Variants in CATSPERE observed in about 807,000 individuals in gnomAD.
CATSPERE encodes cation channel sperm-associated auxiliary subunit epsilon.
A neutral mutation model predicts 114.1 loss-of-function variants in CATSPERE; 93 were observed. The observed-to-expected ratio is 0.81, with a 90% CI of 0.69 to 0.97. The LOEUF (loss-of-function observed/expected upper bound fraction) is 0.97. CATSPERE is among the 50% of genes least tolerant of loss of function. The pLI, the probability that CATSPERE is intolerant of heterozygous loss-of-function variation, is 0.00. For missense variants in CATSPERE, 1,058 were observed against 1,131.6 expected, an observed-to-expected ratio of 0.93 and a Z score of 0.93; for synonymous variants, 341 against 384.1, an observed-to-expected ratio of 0.89 and a Z score of 1.31.
chr1:244,502,404 A>G (rs931741965), intron 7 of CATSPERE, among the ~76,000 whole-genome samples: 5 of 151,974 alleles, frequency 3.3e-5, no homozygotes, highest in Admixed American at 6.6e-5. Flanking sequence ...TTTTATCTTG[A>G]CTGGCATTAT....
At position 244,461,406 on chromosome 1, in the gene CATSPERE, T is replaced by C. The variant is rs200357601; in HGVS notation, c.-24T>C. On this transcript the variant is annotated 5_prime_UTR_variant, in exon 1 of 22. Coordinates refer to ENST00000366534, the MANE Select transcript of CATSPERE (RefSeq NM_001130957.2). The stretch of plus-strand genomic sequence containing the variant: ...GCCTGGACGGGAGTGGCCGAGGCGG[T>C]TGGGCGGAGGCGGAGCAGGCGCCAT... 7 of 1,354,148 alleles carry C rather than the reference T, an allele frequency of 5.2e-6. No individual in the cohort carries two copies. In the East Asian group the frequency reaches 9.1e-5, roughly 18 times the overall value. The allele number at this position is 1,354,148 out of a possible 1,614,324, so 83.9% of individuals were successfully genotyped here.
chr1:244,611,040 G>A (rs375040460), intron 19 of CATSPERE, among the ~76,000 whole-genome samples: 16 of 152,216 alleles, frequency 1.1e-4, no homozygotes, highest in Admixed American at 3.3e-4. Flanking sequence ...GATTACAGGC[G>A]TGAGCCACCG....
chr1:244,502,610 A>G (rs1674232130), intron 7 of CATSPERE, among the ~76,000 whole-genome samples: 4 of 152,264 alleles, frequency 2.6e-5, no homozygotes, highest in South Asian at 2.1e-4. Context: ...TGTTGCTGTT[A>G]GGAAACCATC....
intron 8 of CATSPERE, among the ~76,000 whole-genome samples, chr1:244,550,926 A>G (rs1376951693): frequency 6.6e-6 from 1 of 152,216 alleles, no homozygotes; most frequent in Non-Finnish European, 1.5e-5. Context: ...GATATGTCAG[A>G]GTGTTTGCTT....
At chr1:244,555,456 C>A (rs1661444412) in intron 9 of CATSPERE, among the ~76,000 whole-genome samples, 1 of 150,784 alleles carries the variant, frequency 6.6e-6, no homozygotes, top group Non-Finnish European at 1.5e-5. Context: ...ATATAATAAA[C>A]CCACAGGTAA....
At chr1:244,470,596 C>G (rs191680757) in intron 2 of CATSPERE, among the ~76,000 whole-genome samples, 43 of 152,292 alleles carry the variant, frequency 2.8e-4, no homozygotes, top group Admixed American at 2.8e-3. Flanking sequence ...TAGAAGACAG[C>G]CTTGTAGCTC....
chr1:244,574,441 A>G (rs1664938605), intron 11 of CATSPERE, among the ~76,000 whole-genome samples: 1 of 152,214 alleles, frequency 6.6e-6, no homozygotes, highest in Non-Finnish European at 1.5e-5. Flanking sequence ...TATTTCTAAC[A>G]CTTATGATTT....
chr1:244,595,601 C>A (rs1016319574), intron 17 of CATSPERE, among the ~76,000 whole-genome samples: 1 of 152,156 alleles, frequency 6.6e-6, no homozygotes, highest in Non-Finnish European at 1.5e-5. Flanking sequence ...CCACGGAAGG[C>A]CTTCTATCAA....
At chr1:244,562,272 A>G (rs376668385) in intron 10 of CATSPERE, among the ~76,000 whole-genome samples, 9 of 152,198 alleles carry the variant, frequency 5.9e-5, no homozygotes, top group Admixed American at 1.3e-4. Flanking sequence ...AACGAATGCC[A>G]TTTTAACTGC....
chr1:244,487,392 G>GT (rs1374653562), intron 5 of CATSPERE, among the ~76,000 whole-genome samples: 33 of 152,114 alleles, frequency 2.2e-4, no homozygotes, highest in African/African-American at 7.5e-4. Flanking sequence ...GTCTGAGGTA[G>GT]TCAAGCCGTG....
intron 7 of CATSPERE, among the ~76,000 whole-genome samples, chr1:244,505,682 TAAC>T (rs1674707281): frequency 1.3e-5 from 2 of 152,128 alleles, no homozygotes; most frequent in Admixed American, 6.6e-5. Context: ...CAGGTGATCC[TAAC>T]AACATACCAT....
At position 244,479,762 on chromosome 1, in the gene CATSPERE, T is replaced by C; in HGVS notation, c.304T>C (p.Phe102Leu). 1 of 1,598,058 alleles carries C rather than the reference T, an allele frequency of 6.3e-7. No homozygotes were observed. The highest frequency in any genetic ancestry group is 8.6e-7 in the Non-Finnish European group (1 of 1,169,458). ...YLFVESSHTCFLWYYRVRHFF... is the reference protein window; with the variant it reads ...YLFVESSHTCLLWYYRVRHFF... ...ATTTGTGGAAAGTTCTCATACTTGCTTTCTGTGGTACTATAGAGTTAGGTA... is the reference window on the plus strand; with the variant it reads ...ATTTGTGGAAAGTTCTCATACTTGCCTTCTGTGGTACTATAGAGTTAGGTA... Residue 102 changes from phenylalanine to leucine, a missense_variant, in exon 5 of 22, where the codon TTT (phenylalanine) becomes CTT (leucine). Physicochemically the swap from Phe to Leu is conservative, Grantham distance 22 (BLOSUM62 0). This residue lies in a region of CATSPERE where 271 missense variants were observed against 225.9 expected (regional missense o/e 1.20). Coordinates refer to ENST00000366534, the MANE Select transcript of CATSPERE (RefSeq NM_001130957.2).
intron 8 of CATSPERE, among the ~76,000 whole-genome samples, chr1:244,549,055 G>A (rs1660195714): frequency 6.6e-6 from 1 of 152,224 alleles, no homozygotes; most frequent in East Asian, 1.9e-4. Context: ...CTACCGAGGG[G>A]AAGCTGGACT....
intron 8 of CATSPERE, among the ~76,000 whole-genome samples, chr1:244,536,064 AG>A (rs1235689959): frequency 1.3e-5 from 2 of 151,890 alleles, no homozygotes; most frequent in Non-Finnish European, 2.9e-5. Context: ...TCTAGGAACT[AG>A]GGCCTGGCAT....
intron 5 of CATSPERE, among the ~76,000 whole-genome samples, chr1:244,489,017 G>A (rs1040956058): frequency 2.0e-5 from 3 of 152,136 alleles, no homozygotes; most frequent in African/African-American, 4.8e-5. Flanking sequence ...ATAGTCATGA[G>A]GCACTGACTT....
rs142007953 is a variant in CATSPERE at position 244,549,902 on chromosome 1, G to T, written c.537-2420G>T. Among the ~76,000 whole-genome samples the T allele has an allele frequency of 2.6e-5, 4 of 152,180 alleles. No homozygotes were observed. The East Asian group carries it at 7.7e-4, about 29-fold the overall frequency. ...TGAGTAAAGAAGATAACCCTCCCCAGTGTGGTTGGGCATCACGCAGTCCAC... is the reference window on the plus strand; with the variant it reads ...TGAGTAAAGAAGATAACCCTCCCCATTGTGGTTGGGCATCACGCAGTCCAC... On this transcript the variant is annotated intron_variant, in intron 8 of 21. Transcript: ENST00000366534.
Position 244,580,211 on chromosome 1 carries a change from A to ATTT in CATSPERE, c.1951-1566_1951-1564dup, listed in dbSNP as rs747379847. On this transcript the variant is annotated intron_variant, in intron 11 of 21. Transcript: ENST00000366534. ...GCCACCATGCCTGGCTAATTTTTGT[A>ATTT]TTTTTTTTTTTTTTTTTTTTTAGTA... is the stretch of plus-strand genomic sequence containing the variant. 6.9e-3 allele frequency among the ~76,000 whole-genome samples: 762 copies of ATTT among 110,830 alleles called. 9 individuals are homozygous for ATTT. The highest frequency in any genetic ancestry group is 0.022 in the African/African-American group (679 of 31,128). 72.7% of individuals were successfully genotyped at this position (110,830 alleles called of 152,430 possible). A position where few individuals can be genotyped will look rare whatever the true frequency, so the allele number is the denominator to read the frequency against.
intron 7 of CATSPERE, among the ~76,000 whole-genome samples, chr1:244,512,307 C>T (rs181623957): frequency 1.1e-4 from 16 of 152,220 alleles, no homozygotes; most frequent in African/African-American, 2.4e-4. Context: ...TTCTTCTGCT[C>T]GATCAAGTCC....
chr1:244,611,331 T>G (rs1008127981), intron 19 of CATSPERE, among the ~76,000 whole-genome samples: 4 of 152,114 alleles, frequency 2.6e-5, no homozygotes, highest in African/African-American at 9.7e-5. Flanking sequence ...GGCTCACACC[T>G]GTAATCCTAA....
Sources: gnomAD v4.1 joint callset for allele counts (sites outside exome capture counted in the v4.1 genomes callset) on GRCh38, gnomAD v4.1.1 for gene constraint, gnomAD v4.1.1 regional missense constraint, MANE v1.5 for transcripts, NCBI Gene and HGNC (gene_info 2026-07-23, HGNC 2026-07-21) for gene names.